The following LYVE1 variants were observed in gnomAD, a reference collection of about 807,000 sequenced individuals.
LYVE1 encodes lymphatic vessel endothelial hyaluronan receptor 1, also known as lymphatic vessel endothelial hyaluronic acid receptor 1.
LYVE1 carries 29 observed loss-of-function variants against 31.5 expected under a neutral mutation model. That is an observed-to-expected ratio of 0.92 (90% CI 0.69 to 1.26). The LOEUF (loss-of-function observed/expected upper bound fraction) is 1.26. Ranked by LOEUF, LYVE1 falls within the 50% of genes most tolerant of loss-of-function variation. The pLI, the probability that LYVE1 is intolerant of heterozygous loss-of-function variation, is 0.00. For missense variants in LYVE1, 376 were observed against 380.2 expected (o/e 0.99, Z 0.09); for synonymous variants, 134 against 139.4 (o/e 0.96, Z 0.27).
intron 3 of LYVE1, 119 bp downstream of exon 3, chr11:10,563,821 A>G: frequency 7.7e-7 from 1 of 1,294,604 alleles, no homozygotes; most frequent in Non-Finnish European, 1.1e-6. Flanking sequence ...TGTCGGGAGA[A>G]TTAGATGGCC....
intron 5 of LYVE1, 114 bp downstream of exon 5, chr11:10,559,702 T>A: frequency 1.2e-6 from 1 of 815,738 alleles, no homozygotes; most frequent in Non-Finnish European, 2.0e-6. Flanking sequence ...GAAATTTATA[T>A]CAGAGGACTG....
Position 10,560,626 on chromosome 11 carries a change from G to C in LYVE1, c.572C>G (p.Thr191Ser), listed in dbSNP as rs752960499. 1.2e-6 allele frequency: 2 copies of C among 1,614,196 alleles called. No homozygotes were observed. The highest frequency in any genetic ancestry group is 1.7e-6 in the Non-Finnish European group (2 of 1,180,020). The change falls in exon 4 of 6, where the codon ACT (threonine) becomes AGT (serine). Residue 191 changes from threonine (T) to serine (S), a missense_variant. Physicochemically the swap from Thr to Ser is moderately conservative, Grantham distance 58. Transcript: ENST00000256178. ...CAATTTTTTTCTCCGTGGAATAGAAGTGGAAGCTGGAGCAGGAGGAGTAGT... is the reference window on the plus strand; with the variant it reads ...CAATTTTTTTCTCCGTGGAATAGAACTGGAAGCTGGAGCAGGAGGAGTAGT... ...PTTTPPAPASTSIPRRKKLIC... is the reference protein window; with the variant it reads ...PTTTPPAPASSSIPRRKKLIC...
intron 1 of LYVE1, among the ~76,000 whole-genome samples, chr11:10,568,047 C>G (rs1564880202): frequency 1.3e-5 from 2 of 152,114 alleles, no homozygotes; most frequent in Non-Finnish European, 2.9e-5. Flanking sequence ...TGCCTGCAAT[C>G]CCAGTACTTT....
intron 1 of LYVE1, 105 bp downstream of exon 1, chr11:10,568,343 G>T: frequency 8.8e-7 from 1 of 1,134,186 alleles, no homozygotes; most frequent in Non-Finnish European, 1.2e-6. Flanking sequence ...TAGACCTGCT[G>T]TTGACACTGA....
At chr11:10,566,325 G>C (rs1034996368) in intron 1 of LYVE1, among the ~76,000 whole-genome samples, 2 of 151,878 alleles carry the variant, frequency 1.3e-5, no homozygotes, top group African/African-American at 4.8e-5. Flanking sequence ...GGCCAGGCTG[G>C]TCTCAAACTC....
chr11:10,557,549 GAGAAGC>G lies in LYVE1; in HGVS notation c.*1556_*1561del, dbSNP rs1456937761. On this transcript the variant is annotated 3_prime_UTR_variant, in exon 6 of 6. Coordinates refer to ENST00000256178, the MANE Select transcript of LYVE1 (RefSeq NM_006691.4). ...TAAGCGGGAGGGAAAGAGAAAACTAGAGAAGCAGGGCGGTCAAAAGTGAGACGAATG... is the reference window on the plus strand; with the variant it reads ...TAAGCGGGAGGGAAAGAGAAAACTAGAGGGCGGTCAAAAGTGAGACGAATG... 6.6e-6 allele frequency: 1 copy of G among 152,174 alleles called. No individual in the cohort carries two copies. The highest frequency in any genetic ancestry group is 6.5e-5 in the Admixed American group (1 of 15,272). The allele number at this position is 152,174 out of a possible 1,614,324, so 9.4% of individuals were successfully genotyped here.
intron 1 of LYVE1, among the ~76,000 whole-genome samples, chr11:10,565,503 T>G (rs1422850862): frequency 6.6e-6 from 1 of 152,236 alleles, no homozygotes; most frequent in African/African-American, 2.4e-5. Context: ...TATTGGATGC[T>G]CAGTCAAATG....
rs773508257 is a variant in LYVE1, at chr11:10,563,950, G to C, written c.387C>G (p.Tyr129Ter). ...GCAGATCAGACTCACCAGATGAGTTGTAACAATAGGCTGCAAACTGTCGGC... is the reference window on the plus strand; with the variant it reads ...GCAGATCAGACTCACCAGATGAGTTCTAACAATAGGCTGCAAACTGTCGGC... ...PVSRQFAAYCYNSSDTWTNSC... is the reference protein window; with the variant it reads ...PVSRQFAAYC The change falls in exon 3 of 6, where the codon TAC (tyrosine) becomes TAG (stop). Residue 129 changes from tyrosine (Y) to a stop codon, truncating the protein, a stop_gained. Transcript: ENST00000256178. LOFTEE classifies it high-confidence loss of function. The C allele has an allele frequency of 6.2e-7, 1 of 1,614,182 alleles. No homozygotes were observed. Among genetic ancestry groups the C allele is most frequent in the Admixed American group, 1.7e-5 (1 of 60,022 alleles).
intron 1 of LYVE1, among the ~76,000 whole-genome samples, chr11:10,565,872 G>A (rs966715837): frequency 2.0e-5 from 3 of 151,728 alleles, no homozygotes; most frequent in South Asian, 2.1e-4. Flanking sequence ...GTGCAATAGC[G>A]TGATCTCGGC....
chr11:10,560,896 G>T (rs528016774), intron 3 of LYVE1, 96 bp from the exon 4 acceptor site: 23 of 975,328 alleles, frequency 2.4e-5, no homozygotes, highest in Non-Finnish European at 3.6e-5. Flanking sequence ...CCCTTATACC[G>T]CAGCTGGAAT....
At position 10,564,291 on chromosome 11, in the gene LYVE1, C is replaced by A. The variant is rs1436291521; in HGVS notation, c.169G>T (p.Ala57Ser). 6.2e-7 allele frequency: 1 copy of A among 1,614,232 alleles called. No individual in the cohort carries two copies. The highest frequency in any genetic ancestry group is 1.1e-5 in the South Asian group (1 of 91,090). The change falls in exon 2 of 6, where the codon GCT (alanine) becomes TCT (serine). Residue 57 changes from alanine (A) to serine (S), a missense_variant. Transcript: ENST00000256178. ...KANQQLNFTEAKEACRLLGLS... is the reference protein window; with the variant it reads ...KANQQLNFTESKEACRLLGLS... ...CCCAGCAGCCTACAGGCCTCCTTAGCTTCTGTGAAATTCAGCTGCTGGTTC... is the reference window on the plus strand; with the variant it reads ...CCCAGCAGCCTACAGGCCTCCTTAGATTCTGTGAAATTCAGCTGCTGGTTC...
intron 1 of LYVE1, among the ~76,000 whole-genome samples, chr11:10,567,781 T>C (rs1850571071): frequency 6.6e-6 from 1 of 152,180 alleles, no homozygotes; most frequent in Non-Finnish European, 1.5e-5. Flanking sequence ...AAACTTATAT[T>C]TTTACAGATT....
In LYVE1 at chr11:10,558,862, G is replaced by T; in HGVS notation, c.*249C>A. 2 of 448,560 alleles carry T rather than the reference G, an allele frequency of 4.5e-6. No homozygotes were observed. The highest frequency in any genetic ancestry group is 5.4e-5 in the South Asian group (1 of 18,554). The allele number at this position is 448,560 out of a possible 1,614,324, so 27.8% of individuals were successfully genotyped here. A position where few individuals can be genotyped will look rare whatever the true frequency, so the allele number is the denominator to read the frequency against. ...CCCAGTGGGATATTATTAGGACATA[G>T]CCAGGCTAGAAAGGCCGTGGGAAGC... On this transcript the variant is annotated 3_prime_UTR_variant, in exon 6 of 6. Coordinates refer to ENST00000256178, the MANE Select transcript of LYVE1 (RefSeq NM_006691.4).
In LYVE1 at chr11:10,559,176, T is replaced by C; in HGVS notation, c.904A>G (p.Lys302Glu). 1 of 1,614,218 alleles carries C rather than the reference T, an allele frequency of 6.2e-7. No individual in the cohort carries two copies. The highest frequency in any genetic ancestry group is 1.3e-5 in the African/African-American group (1 of 75,070). The change falls in exon 6 of 6, where the codon AAA becomes GAA. Residue 302 changes from lysine (K) to glutamate (E), a missense_variant. Transcript: ENST00000256178. ...GGACTCTTGGACTCTTCTGGGTTTTTATCAGTTTTCTTTGATTCCTCATTA... is the reference window on the plus strand; with the variant it reads ...GGACTCTTGGACTCTTCTGGGTTTTCATCAGTTTTCTTTGATTCCTCATTA... ...NPNEESKKTDKNPEESKSPSK... is the reference protein window; with the variant it reads ...NPNEESKKTDENPEESKSPSK...
intron 3 of LYVE1, among the ~76,000 whole-genome samples, chr11:10,563,632 A>AC (rs1450582499): frequency 1.3e-5 from 2 of 152,210 alleles, no homozygotes; most frequent in Non-Finnish European, 2.9e-5. Flanking sequence ...TGGATGCATT[A>AC]CATACATCTG....
chr11:10,568,418 T>C, intron 1 of LYVE1, 30 bp downstream of exon 1: 1 of 1,611,902 alleles, frequency 6.2e-7, no homozygotes, highest in Non-Finnish European at 8.5e-7. Context: ...GAAGCCTTGC[T>C]TCAGTTTGGA....
chr11:10,567,666 AT>A (rs1185216655), intron 1 of LYVE1, among the ~76,000 whole-genome samples: 1 of 152,250 alleles, frequency 6.6e-6, no homozygotes, highest in South Asian at 2.1e-4. Flanking sequence ...TGTGGTTACA[AT>A]TTTTTTGCCT....
At chr11:10,561,882 A>T (rs1251409613) in intron 3 of LYVE1, among the ~76,000 whole-genome samples, 1 of 152,190 alleles carries the variant, frequency 6.6e-6, no homozygotes, top group Non-Finnish European at 1.5e-5. Context: ...TGACGGGTTG[A>T]TGGGTGCAGC....
intron 1 of LYVE1, among the ~76,000 whole-genome samples, chr11:10,567,064 A>G (rs1773953110): frequency 6.6e-6 from 1 of 152,198 alleles, no homozygotes. Flanking sequence ...ATGCTTAGGA[A>G]TCAGATAGGG....
Sources: gnomAD v4.1 joint callset for allele counts (sites outside exome capture counted in the v4.1 genomes callset) on GRCh38, gnomAD v4.1.1 for gene constraint, MANE v1.5 for transcripts, NCBI Gene and HGNC (gene_info 2026-07-23, HGNC 2026-07-21) for gene names.